CD163L1: variants seen among roughly 807,000 people sequenced by gnomAD.
CD163L1 encodes scavenger receptor cysteine-rich type 1 protein M160.
Under a neutral mutation model 165.4 loss-of-function variants are expected in CD163L1, and 124 were observed. The ratio of observed to expected loss-of-function variants is 0.75; its 90% CI spans 0.65 to 0.87. The LOEUF (loss-of-function observed/expected upper bound fraction) is 0.87, where lower values mean the gene tolerates loss of function less well. Among genes scored for constraint, CD163L1 ranks in the 40% least tolerant of loss-of-function variants. The pLI is 0.00. For synonymous variants in CD163L1, 585 were observed against 662.2 expected (o/e 0.88, Z 1.79); for missense variants, 1,525 against 1,799.9 (o/e 0.85, Z 2.76).
At chr12:7,367,886 A>C (rs988310251) in intron 17 of CD163L1, among the ~76,000 whole-genome samples, 1 of 152,254 alleles carries the variant, frequency 6.6e-6, no homozygotes, top group Non-Finnish European at 1.5e-5. Context: ...CAGCTTCTAA[A>C]AGATTACATT....
At chr12:7,336,339 T>G in the CD163L1 span, among the ~76,000 whole-genome samples, 2 of 151,468 alleles carry the variant, frequency 1.3e-5, no homozygotes, top group Admixed American at 6.6e-5. Context: ...TAAAAAATGA[T>G]GAGTTCATGT....
At chr12:7,339,781 G>A in the CD163L1 span, among the ~76,000 whole-genome samples, 2 of 152,062 alleles carry the variant, frequency 1.3e-5, no homozygotes, top group Non-Finnish European at 2.9e-5. Context: ...CTTCCTACTA[G>A]GGAGGTTGCC....
At chr12:7,423,203 A>G (rs1948471944) in intron 4 of CD163L1, among the ~76,000 whole-genome samples, 1 of 152,168 alleles carries the variant, frequency 6.6e-6, no homozygotes. Context: ...CTACATGGAA[A>G]CTGAACAACT....
chr12:7,331,103 C>T, the CD163L1 span, among the ~76,000 whole-genome samples: 24,996 of 152,228 alleles, frequency 0.16, 2,592 homozygotes, highest in Admixed American at 0.28. Flanking sequence ...TGCACTTTTC[C>T]AATGGGCTTA....
At chr12:7,339,301 A>G in the CD163L1 span, among the ~76,000 whole-genome samples, 1 of 152,228 alleles carries the variant, frequency 6.6e-6, no homozygotes, top group South Asian at 2.1e-4. Context: ...CAATAGTAAT[A>G]CCCACTATAA....
intron 2 of CD163L1, chr12:7,439,393 T>C: frequency 6.2e-7 from 1 of 1,600,910 alleles, no homozygotes; most frequent in Admixed American, 1.8e-5. Flanking sequence ...ATTCTTTTCT[T>C]TGTCCTTAAA....
chr12:7,410,431 C>T lies in CD163L1; in HGVS notation c.767-3579G>A, dbSNP rs1256219382. Among the ~76,000 whole-genome samples the T allele has an allele frequency of 2.6e-5, 4 of 152,010 alleles. No homozygotes were observed. In the East Asian group the frequency reaches 5.8e-4, roughly 22 times the overall value. On this transcript the variant is annotated intron_variant, in intron 4 of 19. Transcript: ENST00000313599. ...GACCAGCTTGGCCAACATGGTGAAACCCTATCTCTATTAAAAATACAAACA... is the reference window on the plus strand; with the variant it reads ...GACCAGCTTGGCCAACATGGTGAAATCCTATCTCTATTAAAAATACAAACA...
chr12:7,439,666 T>C, intron 2 of CD163L1: 1 of 1,612,742 alleles, frequency 6.2e-7, no homozygotes, highest in South Asian at 1.1e-5. Flanking sequence ...TGCAATTTTC[T>C]TCCTAAATTC....
intron 8 of CD163L1, among the ~76,000 whole-genome samples, chr12:7,382,844 T>C (rs1285390926): frequency 6.6e-6 from 1 of 152,174 alleles, no homozygotes; most frequent in African/African-American, 2.4e-5. Flanking sequence ...ATAACCTCCC[T>C]TATCCATCTG....
the CD163L1 span, chr12:7,320,884 G>A: frequency 1.6e-6 from 2 of 1,235,784 alleles, no homozygotes; most frequent in African/African-American, 3.0e-5. Context: ...TTCAGCATAG[G>A]ATAGCTCAGG....
chr12:7,440,690 G>T (rs1179670058), intron 2 of CD163L1, among the ~76,000 whole-genome samples: 1 of 148,458 alleles, frequency 6.7e-6, no homozygotes, highest in East Asian at 2.0e-4. Flanking sequence ...GTAGGGGCAC[G>T]ATCTCGGCTC....
the CD163L1 span, among the ~76,000 whole-genome samples, chr12:7,335,403 A>G: frequency 1.3e-5 from 2 of 152,220 alleles, no homozygotes; most frequent in Non-Finnish European, 2.9e-5. Context: ...AGGATTCCCT[A>G]TTTAATAAAT....
At chr12:7,415,185 TAATC>T (rs1287585984) in intron 4 of CD163L1, among the ~76,000 whole-genome samples, 5 of 152,076 alleles carry the variant, frequency 3.3e-5, no homozygotes, top group African/African-American at 1.2e-4. Flanking sequence ...ATGAACAACA[TAATC>T]AATAAAATAA....
At chr12:7,399,550 G>T (rs113130710) in intron 6 of CD163L1, among the ~76,000 whole-genome samples, 7,613 of 40,428 alleles carry the variant, frequency 0.19, 280 homozygotes, top group East Asian at 0.41. Flanking sequence ...TTTCTTTCTT[G>T]CTTTCTTTCT....
rs771515969 is a variant in CD163L1 at position 7,438,660 on chromosome 12, A to C, written c.124+2494T>G. ...AGTGTCCAAGAGCTGGAGGATCTTC[A>C]TTTATGACCGCCCATGGTCATAAAC... On this transcript the variant is annotated intron_variant, in intron 2 of 19. Coordinates refer to ENST00000313599, the MANE Select transcript of CD163L1 (RefSeq NM_174941.6). 36 of 535,950 alleles carry C rather than the reference A, an allele frequency of 6.7e-5. 2 individuals are homozygous for C. In the South Asian group the frequency reaches 1.3e-3, roughly 20 times the overall value. 33.2% of individuals were successfully genotyped at this position (535,950 alleles called of 1,614,324 possible). A position where few individuals can be genotyped will look rare whatever the true frequency, so the allele number is the denominator to read the frequency against.
At chr12:7,326,898 C>T in the CD163L1 span, 301 of 1,437,640 alleles carry the variant, frequency 2.1e-4, 2 homozygotes, top group African/African-American at 4.0e-3. Flanking sequence ...TAGTAAGCAC[C>T]TGTGTTCAGC....
intron 8 of CD163L1, among the ~76,000 whole-genome samples, chr12:7,389,088 A>G (rs1947587011): frequency 6.6e-6 from 1 of 152,170 alleles, no homozygotes; most frequent in South Asian, 2.1e-4. Context: ...TATCTCTTTG[A>G]TACATTGATT....
rs1337752241 is a variant in CD163L1 at position 7,421,479 on chromosome 12, ATG to A, written c.766+10935_766+10936del. ...TACATATATACATATATATACATAT[ATG>A]TACATATATACATATATGTACATAT... On this transcript the variant is annotated intron_variant, in intron 4 of 19. Coordinates refer to ENST00000313599, the MANE Select transcript of CD163L1 (RefSeq NM_174941.6). Among the ~76,000 whole-genome samples, 476 of 102,940 alleles carry A rather than the reference ATG, an allele frequency of 4.6e-3. 28 individuals carry two copies. The highest frequency in any genetic ancestry group is 0.02 in the African/African-American group (442 of 22,500). 67.5% of individuals were successfully genotyped at this position (102,940 alleles called of 152,430 possible).
At chr12:7,365,037 A>G (rs2136396580) in intron 18 of CD163L1, among the ~76,000 whole-genome samples, 1 of 152,296 alleles carries the variant, frequency 6.6e-6, no homozygotes, top group Admixed American at 6.5e-5. Context: ...CTACAAAATT[A>G]TAGTAACCAA....
Sources: allele counts gnomAD v4.1 joint callset (sites outside exome capture counted in the v4.1 genomes callset), GRCh38; gene constraint gnomAD v4.1.1; transcripts MANE v1.5; gene names NCBI Gene and HGNC (gene_info 2026-07-23, HGNC 2026-07-21).